ME3: variants seen among roughly 807,000 people sequenced by gnomAD.
ME3 encodes the protein malic enzyme 3.
A neutral mutation model predicts 68.9 loss-of-function variants in ME3; 48 were observed. The ratio of observed to expected loss-of-function variants is 0.70; its 90% confidence interval spans 0.55 to 0.89. The LOEUF (loss-of-function observed/expected upper bound fraction) is 0.89, where lower values mean the gene tolerates loss of function less well. ME3 is among the 40% of genes least tolerant of loss of function. The pLI is 0.00. For synonymous variants in ME3, 320 were observed against 318.8 expected (o/e 1.00, Z -0.04); for missense variants, 675 against 797.4 (o/e 0.85, Z 1.85).
intron 2 of ME3, among the ~76,000 whole-genome samples, chr11:86,635,556 G>T (rs58968600): frequency 0.088 from 13,324 of 152,242 alleles, 630 homozygotes; most frequent in Non-Finnish European, 0.11. Flanking sequence ...AAGAGATGAT[G>T]AGAGCCCTCA....
chr11:86,556,797 G>T, intron 3 of ME3, 95 bp from the exon 4 acceptor site: 2 of 1,379,466 alleles, frequency 1.4e-6, no homozygotes, highest in Non-Finnish European at 1.0e-6. Context: ...TCCTGTTCCT[G>T]CTCAGCCCGG....
chr11:86,518,327 C>T (rs1172729352), intron 4 of ME3, among the ~76,000 whole-genome samples: 1 of 152,116 alleles, frequency 6.6e-6, no homozygotes, highest in East Asian at 1.9e-4. Flanking sequence ...TGAGAAAATG[C>T]CCTTATCATG....
rs138755332 is a variant in ME3, at chr11:86,584,439, A to G, written c.184-24616T>C. 4.3e-3 allele frequency among the ~76,000 whole-genome samples: 655 copies of G among 152,368 alleles called. 7 individuals carry two copies. In the Middle Eastern group the frequency reaches 0.044, roughly 10 times the overall value. On this transcript the variant is annotated intron_variant, in intron 2 of 14. Coordinates refer to ENST00000543262, the Ensembl canonical transcript of ME3. ...TTGAAAATTTAAAAATGGAACTACC[A>G]TATGATCCAGCAATGCCACTTCTGA...
At chr11:86,577,215 C>T (rs1958165835) in intron 2 of ME3, among the ~76,000 whole-genome samples, 1 of 152,174 alleles carries the variant, frequency 6.6e-6, no homozygotes, top group African/African-American at 2.4e-5. Context: ...TCCATTTTGA[C>T]CCAGATCATT....
At position 86,489,580 on chromosome 11, in the gene ME3, C is replaced by T. The variant is rs575844377; in HGVS notation, c.706-2140G>A. Among the ~76,000 whole-genome samples the T allele has an allele frequency of 2.0e-5, 3 of 152,146 alleles. No individual in the cohort carries two copies. The East Asian group carries it at 5.8e-4, about 29-fold the overall frequency. On this transcript the variant is annotated intron_variant, in intron 6 of 14. Coordinates refer to ENST00000543262, the Ensembl canonical transcript of ME3. ...GGGCAATTGGTGGACAGCCTTCAGC[C>T]GCCACACTCTCCCTGGATTGCTTAA...
chr11:86,581,915 A>C (rs1958463067), intron 2 of ME3, among the ~76,000 whole-genome samples: 1 of 152,170 alleles, frequency 6.6e-6, no homozygotes, highest in Non-Finnish European at 1.5e-5. Flanking sequence ...TGTTCTTTCC[A>C]ATATTGAAAT....
At chr11:86,468,840 C>T (rs1049828355) in intron 7 of ME3, among the ~76,000 whole-genome samples, 5 of 152,090 alleles carry the variant, frequency 3.3e-5, no homozygotes, top group African/African-American at 7.2e-5. Context: ...TGCTGGGCAC[C>T]GTGCTGAGCT....
intron 7 of ME3, among the ~76,000 whole-genome samples, chr11:86,467,584 A>G (rs1247527485): frequency 1.3e-5 from 2 of 152,016 alleles, no homozygotes; most frequent in Non-Finnish European, 2.9e-5. Flanking sequence ...GCCTGCAGCT[A>G]AAATGCTGAA....
chr11:86,601,970 A>G (rs1307304216), intron 2 of ME3, among the ~76,000 whole-genome samples: 2 of 144,356 alleles, frequency 1.4e-5, no homozygotes, highest in Non-Finnish European at 3.0e-5. Flanking sequence ...AATAAGAGCT[A>G]TCTATGACAA....
At chr11:86,639,471 G>A (rs1311303381) in intron 2 of ME3, among the ~76,000 whole-genome samples, 2 of 141,078 alleles carry the variant, frequency 1.4e-5, no homozygotes, top group African/African-American at 2.7e-5. Context: ...GTTCCTCCTG[G>A]CACAAAAACA....
intron 4 of ME3, among the ~76,000 whole-genome samples, chr11:86,547,617 A>G (rs1246248385): frequency 6.6e-6 from 1 of 152,156 alleles, no homozygotes; most frequent in African/African-American, 2.4e-5. Flanking sequence ...GTATCCCAGA[A>G]CTTAAAGTAT....
At chr11:86,643,148 A>G (rs1483456869) in intron 2 of ME3, among the ~76,000 whole-genome samples, 2 of 152,136 alleles carry the variant, frequency 1.3e-5, no homozygotes. Context: ...CATTTCCCTC[A>G]TAGGGAATAA....
chr11:86,486,692 G>T (rs949126428), intron 7 of ME3, among the ~76,000 whole-genome samples: 1 of 152,246 alleles, frequency 6.6e-6, no homozygotes, highest in Non-Finnish European at 1.5e-5. Flanking sequence ...TTCTCTCAGA[G>T]TAAACATGGG....
intron 8 of ME3, among the ~76,000 whole-genome samples, chr11:86,451,074 T>C (rs1218567440): frequency 1.3e-5 from 2 of 152,212 alleles, no homozygotes; most frequent in African/African-American, 4.8e-5. Flanking sequence ...TGGCACCAAC[T>C]AGAAGTGTAA....
chr11:86,493,580 A>G (rs1320211542), intron 6 of ME3, among the ~76,000 whole-genome samples: 2 of 152,360 alleles, frequency 1.3e-5, no homozygotes, highest in South Asian at 4.1e-4. Context: ...GACTGGCTGC[A>G]TGTGGATGAA....
At chr11:86,539,727 G>T (rs886633931) in intron 4 of ME3, among the ~76,000 whole-genome samples, 2 of 152,138 alleles carry the variant, frequency 1.3e-5, no homozygotes, top group African/African-American at 4.8e-5. Flanking sequence ...AGCTGCAGAA[G>T]TCCATTTTCC....
intron 4 of ME3, among the ~76,000 whole-genome samples, chr11:86,525,862 CAA>C (rs774590648): frequency 2.4e-4 from 25 of 102,596 alleles, no homozygotes; most frequent in Admixed American, 3.1e-4. Context: ...AACTCTGTCT[CAA>C]AAAAAAAAAA....
intron 2 of ME3, among the ~76,000 whole-genome samples, chr11:86,577,813 G>A (rs925086480): frequency 2.0e-5 from 3 of 152,036 alleles, no homozygotes; most frequent in African/African-American, 2.4e-5. Flanking sequence ...TATGGCTTAC[G>A]TCATTTGATC....
chr11:86,475,696 C>T (rs1256848762), intron 7 of ME3, among the ~76,000 whole-genome samples: 1 of 151,908 alleles, frequency 6.6e-6, no homozygotes, highest in Non-Finnish European at 1.5e-5. Flanking sequence ...GTCTCAGTTT[C>T]CTCATCTAAA....
Sources: gnomAD v4.1 joint callset for allele counts (sites outside exome capture counted in the v4.1 genomes callset) on GRCh38, gnomAD v4.1.1 for gene constraint, MANE v1.5 for transcripts, NCBI Gene and HGNC (gene_info 2026-07-23, HGNC 2026-07-21) for gene names.